TRIO: variants seen among roughly 807,000 people sequenced by gnomAD.
The protein encoded by TRIO is trio Rho guanine nucleotide exchange factor, also known as triple functional domain protein.
In TRIO, 58 loss-of-function variants were observed where a neutral mutation model predicts 351.9. That is an observed-to-expected ratio of 0.16 (90% CI 0.13 to 0.21). TRIO has a LOEUF of 0.21. Ranked by LOEUF, TRIO falls within the 10% of genes least tolerant of loss-of-function variation. The pLI, the probability that TRIO is intolerant of heterozygous loss-of-function variation, is 1.00. For synonymous variants in TRIO, 1,758 were observed against 1,595.7 expected (o/e 1.10, Z -2.42); for missense variants, 3,201 against 4,027.8 (o/e 0.79, Z 5.56).
At chr5:14,338,277 G>A (rs999858323) in intron 11 of TRIO, among the ~76,000 whole-genome samples, 13 of 152,124 alleles carry the variant, frequency 8.5e-5, no homozygotes, top group African/African-American at 2.9e-4. Flanking sequence ...TTGTATGTGG[G>A]GAGCAGCCTG....
chr5:14,371,776 G>A (rs955563199), intron 18 of TRIO, among the ~76,000 whole-genome samples: 3 of 151,910 alleles, frequency 2.0e-5, no homozygotes, highest in Admixed American at 2.0e-4. Context: ...TAGGAGCTAG[G>A]ACTACAGGCA....
At chr5:14,308,655 ATCC>A (rs1738608040) in intron 8 of TRIO, among the ~76,000 whole-genome samples, 2 of 105,904 alleles carry the variant, frequency 1.9e-5, no homozygotes, top group African/African-American at 7.3e-5. Context: ...TTCATCATCC[ATCC>A]ATCCATCCAT....
chr5:14,509,407 T>TGGGGGGGGGGGG lies in TRIO; in HGVS notation c.*988_*989insGGGGGGGGGGGG. 3.2e-6 allele frequency: 1 copy of TGGGGGGGGGGGG among 308,758 alleles called. No homozygotes were observed. The highest frequency in any genetic ancestry group is 6.1e-6 in the Non-Finnish European group (1 of 162,792). The allele number at this position is 308,758 out of a possible 1,614,324, so 19.1% of individuals were successfully genotyped here. A position where few individuals can be genotyped will look rare whatever the true frequency, so the allele number is the denominator to read the frequency against. On this transcript the variant is annotated 3_prime_UTR_variant, in exon 57 of 57. Transcript: ENST00000344204. ...GTGTGTGTTGGGGTTGGCGGGTGGGTGGGTAGGGTCGTAGCCCTGTGCCAT... is the reference window on the plus strand; with the variant it reads ...GTGTGTGTTGGGGTTGGCGGGTGGGTGGGGGGGGGGGGGGGTAGGGTCGTAGCCCTGTGCCAT...
intron 7 of TRIO, chr5:14,297,633 C>G (rs1369850752): frequency 5.7e-6 from 1 of 175,248 alleles, no homozygotes. Context: ...GCTCTTATTC[C>G]TTGTTGATAG....
At chr5:14,446,102 G>A (rs550811836) in intron 34 of TRIO, among the ~76,000 whole-genome samples, 20 of 152,100 alleles carry the variant, frequency 1.3e-4, no homozygotes, top group East Asian at 1.9e-4. Flanking sequence ...CTCCATCTCC[G>A]CGCTTGCTTT....
intron 1 of TRIO, among the ~76,000 whole-genome samples, chr5:14,165,181 A>T (rs1788694548): frequency 6.6e-6 from 1 of 152,178 alleles, no homozygotes; most frequent in Non-Finnish European, 1.5e-5. Flanking sequence ...GTTATGTGAG[A>T]ATATTGCTTG....
intron 55 of TRIO, 63 bp from the exon 56 acceptor site, chr5:14,507,059 C>T: frequency 6.6e-7 from 1 of 1,509,128 alleles, no homozygotes; most frequent in Non-Finnish European, 8.8e-7. Context: ...TTACTTCTTA[C>T]TAGCCCAAAG....
intron 1 of TRIO, among the ~76,000 whole-genome samples, chr5:14,173,184 A>G (rs1789200471): frequency 8.9e-6 from 1 of 112,682 alleles, no homozygotes; most frequent in Non-Finnish European, 1.8e-5. Flanking sequence ...CTCACATTGT[A>G]TGTTCCTTTT....
Position 14,485,177 on chromosome 5 carries a change from C to T in TRIO, c.6766C>T (p.Pro2256Ser). Residue 2256 changes from proline (P) to serine (S), a missense_variant, in exon 47 of 57, where the codon CCA becomes TCA. Coordinates refer to ENST00000344204, the MANE Select transcript of TRIO (RefSeq NM_007118.4). ...VETFILHSSS[P>S]SVRQTWIHEI... The stretch of plus-strand genomic sequence containing the variant: ...GACCTTCATTTTGCATTCATCTAGT[C>T]CAAGTGTCCGGCAAACTTGGATCCA... The T allele has an allele frequency of 1.3e-6, 2 of 1,590,728 alleles. No homozygotes were observed. The highest frequency in any genetic ancestry group is 3.3e-4 in the Middle Eastern group (2 of 5,998).
chr5:14,405,482 T>A (rs1748625780), intron 31 of TRIO, among the ~76,000 whole-genome samples: 1 of 152,198 alleles, frequency 6.6e-6, no homozygotes, highest in Non-Finnish European at 1.5e-5. Context: ...GTATGCCCCC[T>A]ACTGACCAGT....
intron 1 of TRIO, among the ~76,000 whole-genome samples, chr5:14,149,624 G>T (rs1398209064): frequency 5.9e-5 from 9 of 152,136 alleles, no homozygotes; most frequent in Admixed American, 3.3e-4. Context: ...GCCATTTGAT[G>T]GCAGAGGGGC....
intron 1 of TRIO, among the ~76,000 whole-genome samples, chr5:14,186,355 C>T (rs139707434): frequency 6.6e-5 from 10 of 152,276 alleles, no homozygotes; most frequent in Non-Finnish European, 1.5e-4. Context: ...CAAAAACATG[C>T]TTCAAGATAG....
intron 47 of TRIO, among the ~76,000 whole-genome samples, chr5:14,486,742 C>A (rs1309609688): frequency 1.3e-5 from 2 of 152,044 alleles, no homozygotes; most frequent in African/African-American, 4.8e-5. Context: ...AGCTTGGGAC[C>A]CTTTCACCTG....
intron 1 of TRIO, among the ~76,000 whole-genome samples, chr5:14,201,590 G>C (rs952250635): frequency 6.6e-6 from 1 of 152,164 alleles, no homozygotes; most frequent in Non-Finnish European, 1.5e-5. Context: ...TGGTGGGTAG[G>C]AGGCAAGCTG....
intron 36 of TRIO, among the ~76,000 whole-genome samples, chr5:14,464,970 C>G (rs1034830178): frequency 6.6e-6 from 1 of 152,180 alleles, no homozygotes; most frequent in Non-Finnish European, 1.5e-5. Flanking sequence ...GTACTCTGCA[C>G]TAATCATGGG....
At chr5:14,168,211 A>G (rs1788890018) in intron 1 of TRIO, among the ~76,000 whole-genome samples, 1 of 152,244 alleles carries the variant, frequency 6.6e-6, no homozygotes, top group African/African-American at 2.4e-5. Flanking sequence ...GAAATCAGTG[A>G]AATGCTCTCA....
chr5:14,440,006 CA>C (rs1751897528), intron 34 of TRIO, among the ~76,000 whole-genome samples: 2 of 152,018 alleles, frequency 1.3e-5, no homozygotes, highest in Admixed American at 6.5e-5. Context: ...TATTATGCAA[CA>C]AATGTGGAGG....
chr5:14,211,274 G>A (rs1320749951), intron 1 of TRIO, among the ~76,000 whole-genome samples: 1 of 152,162 alleles, frequency 6.6e-6, no homozygotes, highest in Non-Finnish European at 1.5e-5. Context: ...AAGATTTGAT[G>A]TAAAAAGCTT....
intron 1 of TRIO, among the ~76,000 whole-genome samples, chr5:14,266,275 T>C (rs1029800843): frequency 6.6e-6 from 1 of 152,184 alleles, no homozygotes; most frequent in African/African-American, 2.4e-5. Context: ...CTGCCCAGGC[T>C]GGCCTCAAAC....
Sources: gnomAD v4.1 joint callset for allele counts (sites outside exome capture counted in the v4.1 genomes callset) on GRCh38, gnomAD v4.1.1 for gene constraint, MANE v1.5 for transcripts, NCBI Gene and HGNC (gene_info 2026-07-23, HGNC 2026-07-21) for gene names.